The following MYO1H variants were observed in gnomAD, a reference collection of about 807,000 sequenced individuals.
The protein encoded by MYO1H is myosin IH.
MYO1H carries 118 observed loss-of-function variants against 149.3 expected under a neutral mutation model. The ratio of observed to expected loss-of-function variants is 0.79; its 90% confidence interval spans 0.68 to 0.92. The LOEUF is 0.92. Ranked by LOEUF, MYO1H falls within the 40% of genes least tolerant of loss-of-function variation. MYO1H has a pLI of 0.00. For synonymous variants in MYO1H, 447 were observed against 465.2 expected, an observed-to-expected ratio of 0.96 and a Z score of 0.50; for missense variants, 1,212 against 1,280.7, an observed-to-expected ratio of 0.95 and a Z score of 0.82.
chr12:109,427,316 CAA>C (rs34644066), intron 18 of MYO1H, among the ~76,000 whole-genome samples, 151 bp from the exon 19 acceptor site: 251 of 101,208 alleles, frequency 2.5e-3, no homozygotes, highest in African/African-American at 4.0e-3. Flanking sequence ...AACCCCATCT[CAA>C]AAAAAAAAAA....
At position 109,420,971 on chromosome 12, in the gene MYO1H, T is replaced by C. The variant is rs182735413; in HGVS notation, c.1598-10T>C. The C allele has an allele frequency of 1.1e-4, 165 of 1,547,862 alleles. No individual in the cohort carries two copies. In the African/African-American group the frequency reaches 2.0e-3, roughly 18 times the overall value. On this transcript the variant is annotated splice_polypyrimidine_tract_variant and intron_variant, in intron 15 of 31. Transcript: ENST00000310903. ...ATTGATTCAAAAAATTTTTCTTCAATGTTTTACAGGATTCTTGGAAAAAAA... is the reference window on the plus strand; with the variant it reads ...ATTGATTCAAAAAATTTTTCTTCAACGTTTTACAGGATTCTTGGAAAAAAA...
At chr12:109,327,024 T>A in the MYO1H span, among the ~76,000 whole-genome samples, 1 of 152,082 alleles carries the variant, frequency 6.6e-6, no homozygotes, top group Non-Finnish European at 1.5e-5. Context: ...AGTTTAAAAT[T>A]TTGCTCATGG....
At chr12:109,376,447 T>G (rs1456547928) in intron 1 of MYO1H, among the ~76,000 whole-genome samples, 1 of 152,226 alleles carries the variant, frequency 6.6e-6, no homozygotes. Context: ...TTGCCACATA[T>G]AGGTCTTTAA....
At chr12:109,396,513 G>T in exon 4 of MYO1H, 1 of 1,613,968 alleles carries the variant, frequency 6.2e-7, no homozygotes, top group Admixed American at 1.7e-5. Flanking sequence ...ATTTTGCAGT[G>T]ACCTGCCCAA....
chr12:109,447,540 G>A (rs1941957494), exon 32 of MYO1H: 2 of 355,846 alleles, frequency 5.6e-6, no homozygotes, highest in Admixed American at 3.8e-5. Flanking sequence ...ATGAAATACT[G>A]TGTACAGCAA....
At chr12:109,412,039 T>A (rs1870699836) in intron 14 of MYO1H, 54 bp downstream of exon 14, 3 of 1,234,840 alleles carry the variant, frequency 2.4e-6, no homozygotes, top group South Asian at 2.8e-5. Context: ...TGTGTCTCCA[T>A]TTTCTTTAGT....
chr12:109,352,359 C>T (rs1868479286), intron 1 of MYO1H, among the ~76,000 whole-genome samples: 1 of 152,138 alleles, frequency 6.6e-6, no homozygotes, highest in African/African-American at 2.4e-5. Flanking sequence ...CAGCCCTCAT[C>T]TCTCACCTCC....
intron 4 of MYO1H, among the ~76,000 whole-genome samples, chr12:109,397,211 T>C (rs908369266): frequency 9.2e-5 from 14 of 152,184 alleles, no homozygotes; most frequent in African/African-American, 3.4e-4. Context: ...ATGTATTATT[T>C]ATTAATAGTT....
chr12:109,405,544 G>A (rs565793307), intron 7 of MYO1H, among the ~76,000 whole-genome samples: 17 of 152,170 alleles, frequency 1.1e-4, no homozygotes, highest in South Asian at 2.1e-4. Context: ...TCTTGACTTC[G>A]GGTGATCTGC....
the MYO1H span, among the ~76,000 whole-genome samples, chr12:109,338,270 G>A: frequency 1.3e-5 from 2 of 151,998 alleles, no homozygotes; most frequent in African/African-American, 2.4e-5. Context: ...CTCATCAGAC[G>A]AGACACTTTC....
At chr12:109,405,100 C>T (rs985651225) in intron 7 of MYO1H, among the ~76,000 whole-genome samples, 3 of 151,798 alleles carry the variant, frequency 2.0e-5, no homozygotes, top group Admixed American at 2.0e-4. Context: ...GTAGTCCCAG[C>T]CACTCAGGAG....
chr12:109,350,006 T>C (rs949814277), intron 1 of MYO1H, among the ~76,000 whole-genome samples: 2 of 149,836 alleles, frequency 1.3e-5, no homozygotes, highest in African/African-American at 2.4e-5. Context: ...TTTTATATTA[T>C]ATTAAATATT....
At chr12:109,389,421 G>A (rs1365607823) in intron 2 of MYO1H, among the ~76,000 whole-genome samples, 1 of 152,106 alleles carries the variant, frequency 6.6e-6, no homozygotes, top group African/African-American at 2.4e-5. Flanking sequence ...GGTGAGGGGT[G>A]GAGTTGGAGC....
At chr12:109,443,274 G>GTGTACGTATATGTGTGTA (rs1872306388) in intron 27 of MYO1H, among the ~76,000 whole-genome samples, 2 of 56,172 alleles carry the variant, frequency 3.6e-5, no homozygotes, top group African/African-American at 1.7e-4. Flanking sequence ...ATATGTGTGT[G>GTGTACGTATATGTGTGTA]TATATGTGTA....
At chr12:109,335,070 AT>A in the MYO1H span, among the ~76,000 whole-genome samples, 1 of 152,184 alleles carries the variant, frequency 6.6e-6, no homozygotes, top group Non-Finnish European at 1.5e-5. Flanking sequence ...AAGTTCATCC[AT>A]GTTGTAGCAT....
At chr12:109,364,163 C>T (rs1162243870) in intron 1 of MYO1H, among the ~76,000 whole-genome samples, 1 of 128,474 alleles carries the variant, frequency 7.8e-6, no homozygotes, top group Non-Finnish European at 1.6e-5. Context: ...AGAGAGAGAC[C>T]ATGTCTTTAA....
At chr12:109,435,505 A>G (rs1871821710) in intron 21 of MYO1H, among the ~76,000 whole-genome samples, 1 of 152,212 alleles carries the variant, frequency 6.6e-6, no homozygotes, top group African/African-American at 2.4e-5. Context: ...GGAATGGTCA[A>G]TGAGAAAAGT....
At chr12:109,445,437 G>T in intron 30 of MYO1H, 76 bp from the exon 31 acceptor site, 1 of 1,074,416 alleles carries the variant, frequency 9.3e-7, no homozygotes, top group Admixed American at 2.3e-5. Flanking sequence ...TTTAATAAGT[G>T]AATTTCTTCT....
chr12:109,404,870 ATTGT>A (rs149527917), intron 7 of MYO1H, among the ~76,000 whole-genome samples: 11,562 of 133,542 alleles, frequency 0.087, 521 homozygotes, highest in Middle Eastern at 0.13. Context: ...TTTCATTTTG[ATTGT>A]TAAACTATCA....
Sources: allele counts gnomAD v4.1 joint callset (sites outside exome capture counted in the v4.1 genomes callset), GRCh38; gene constraint gnomAD v4.1.1; transcripts MANE v1.5; gene names NCBI Gene and HGNC (gene_info 2026-07-23, HGNC 2026-07-21).